The following ZNF469 variants were observed in gnomAD, a reference collection of about 807,000 sequenced individuals.
ZNF469 encodes the protein zinc finger protein 469.
Under a neutral mutation model 1.0 loss-of-function variants are expected in ZNF469, and 1 was observed. The ratio of observed to expected loss-of-function variants is 1.00; its 90% CI spans 0.35 to 4.73. The LOEUF is 4.73. Ranked by LOEUF, ZNF469 falls within the 30% of genes most tolerant of loss-of-function variation. ZNF469 has a pLI of 0.16. For synonymous variants in ZNF469, 2,703 were observed against 2,363.4 expected (o/e 1.14, Z -4.17); for missense variants, 6,100 against 5,356.3 (o/e 1.14, Z -4.33).
the ZNF469 span, among the ~76,000 whole-genome samples, chr16:88,176,875 G>A: frequency 1.3e-5 from 2 of 152,242 alleles, no homozygotes; most frequent in African/African-American, 2.4e-5. Context: ...CACGGAACAC[G>A]TACGGGATCG....
At chr16:88,387,583 C>T (rs1292645097) in intron 1 of ZNF469, among the ~76,000 whole-genome samples, 1 of 152,242 alleles carries the variant, frequency 6.6e-6, no homozygotes, top group African/African-American at 2.4e-5. Context: ...GCTCAGTACT[C>T]ACCCCAGCCC....
In ZNF469 at chr16:88,389,340, C is replaced by T. The variant is rs370540128; in HGVS notation, c.-192+6086C>T. Reference sequence around the variant, plus strand: ...GTGCCGTGGCGGGAGTCGGCGCTTCCTTCGTCTTTGCGGCTGAGCGCTGTT... The same window carrying T: ...GTGCCGTGGCGGGAGTCGGCGCTTCTTTCGTCTTTGCGGCTGAGCGCTGTT... On this transcript the variant is annotated intron_variant, in intron 1 of 2. Coordinates refer to ENST00000565624, the MANE Select transcript of ZNF469 (RefSeq NM_001367624.2). 1.4e-4 allele frequency among the ~76,000 whole-genome samples: 21 copies of T among 152,384 alleles called. No individual in the cohort carries two copies. In the South Asian group the frequency reaches 3.9e-3, roughly 29 times the overall value.
At chr16:88,244,287 G>A in the ZNF469 span, among the ~76,000 whole-genome samples, 2 of 151,594 alleles carry the variant, frequency 1.3e-5, no homozygotes, top group Admixed American at 1.3e-4. Context: ...ATGGATGGAT[G>A]AATGACTGGA....
the ZNF469 span, among the ~76,000 whole-genome samples, chr16:88,110,293 G>A: frequency 6.6e-6 from 1 of 152,218 alleles, no homozygotes; most frequent in African/African-American, 2.4e-5. Context: ...GGCGGGCCCT[G>A]AGGCTCCACA....
chr16:88,395,984 G>C (rs984716531), intron 1 of ZNF469, among the ~76,000 whole-genome samples: 2 of 152,238 alleles, frequency 1.3e-5, no homozygotes, highest in Non-Finnish European at 2.9e-5. Context: ...CGCCCTCCCA[G>C]CCATGTGCTC....
the ZNF469 span, among the ~76,000 whole-genome samples, chr16:88,103,283 T>C: frequency 6.6e-6 from 1 of 152,240 alleles, no homozygotes; most frequent in Non-Finnish European, 1.5e-5. Context: ...GCTCTGGTCC[T>C]GTTTGTCCCC....
chr16:88,286,117 T>A, the ZNF469 span, among the ~76,000 whole-genome samples: 10 of 152,360 alleles, frequency 6.6e-5, no homozygotes, highest in African/African-American at 2.4e-4. Context: ...CATTCCCCTG[T>A]TGGGAACTGC....
chr16:88,240,016 G>T, the ZNF469 span, among the ~76,000 whole-genome samples: 3 of 150,554 alleles, frequency 2.0e-5, no homozygotes, highest in Non-Finnish European at 3.0e-5. Flanking sequence ...TGGAGGGGCT[G>T]CTGCTCTGGC....
the ZNF469 span, among the ~76,000 whole-genome samples, chr16:88,325,014 G>A: frequency 6.6e-6 from 1 of 152,156 alleles, no homozygotes; most frequent in African/African-American, 2.4e-5. Flanking sequence ...TCAGCCAGTG[G>A]GAGCAGGAGG....
chr16:88,246,933 G>A, the ZNF469 span, among the ~76,000 whole-genome samples: 5 of 152,200 alleles, frequency 3.3e-5, no homozygotes, highest in African/African-American at 9.6e-5. Context: ...GTGAGTGAGT[G>A]AATGAGTAAG....
chr16:88,171,986 C>A, the ZNF469 span, among the ~76,000 whole-genome samples: 3 of 152,130 alleles, frequency 2.0e-5, no homozygotes, highest in Non-Finnish European at 2.9e-5. Flanking sequence ...AGACATTGGA[C>A]AACAGATAGC....
the ZNF469 span, among the ~76,000 whole-genome samples, chr16:88,119,659 C>G: frequency 1.3e-5 from 2 of 152,190 alleles, no homozygotes; most frequent in African/African-American, 4.8e-5. Context: ...CTACCGGGTC[C>G]AGCCGTTTGG....
At chr16:88,303,379 C>A in the ZNF469 span, among the ~76,000 whole-genome samples, 1 of 152,242 alleles carries the variant, frequency 6.6e-6, no homozygotes, top group East Asian at 1.9e-4. Flanking sequence ...CTCGCCAGCG[C>A]TGTTCTTTCC....
At chr16:88,220,194 C>T in the ZNF469 span, among the ~76,000 whole-genome samples, 1 of 152,180 alleles carries the variant, frequency 6.6e-6, no homozygotes, top group African/African-American at 2.4e-5. Flanking sequence ...GCACTGCATG[C>T]TGGCCTCATT....
At chr16:88,406,313 T>C (rs1188054660) in intron 1 of ZNF469, among the ~76,000 whole-genome samples, 1 of 152,198 alleles carries the variant, frequency 6.6e-6, no homozygotes, top group East Asian at 1.9e-4. Context: ...CCAGGGCAGC[T>C]GTGTGTGTGG....
rs4072333 is a variant in ZNF469, at chr16:88,390,272, A to T, written c.-192+7018A>T. ...GGATCTGTCCTGTGGCACCTTCCCCAGTTCTGGATACACATGGGAGTAGGG... is the reference window on the plus strand; with the variant it reads ...GGATCTGTCCTGTGGCACCTTCCCCTGTTCTGGATACACATGGGAGTAGGG... On this transcript the variant is annotated intron_variant, in intron 1 of 2. Transcript: ENST00000565624. 3.8e-4 allele frequency among the ~76,000 whole-genome samples: 58 copies of T among 151,970 alleles called. 2 individuals carry two copies. In the South Asian group the frequency reaches 0.012, roughly 32 times the overall value.
the ZNF469 span, among the ~76,000 whole-genome samples, chr16:88,224,909 G>A: frequency 6.6e-6 from 1 of 152,224 alleles, no homozygotes; most frequent in Non-Finnish European, 1.5e-5. Context: ...GCTCTGGGGA[G>A]CGGAGGTGCC....
At chr16:88,283,103 ATT>A in the ZNF469 span, among the ~76,000 whole-genome samples, 4 of 152,088 alleles carry the variant, frequency 2.6e-5, no homozygotes, top group Non-Finnish European at 4.4e-5. Flanking sequence ...CAAATTGTTT[ATT>A]TTAGTCGTTG....
chr16:88,389,018 G>A (rs1013640537), intron 1 of ZNF469, among the ~76,000 whole-genome samples: 12 of 152,248 alleles, frequency 7.9e-5, no homozygotes, highest in African/African-American at 2.9e-4. Context: ...CAGAGACAGC[G>A]ATAAAGCTCT....
Sources: allele counts gnomAD v4.1 joint callset (sites outside exome capture counted in the v4.1 genomes callset), GRCh38; gene constraint gnomAD v4.1.1; transcripts MANE v1.5; gene names NCBI Gene and HGNC (gene_info 2026-07-23, HGNC 2026-07-21).